Variants in ADGRB3 observed in about 807,000 individuals in gnomAD.
The protein encoded by ADGRB3 is brain-specific angiogenesis inhibitor 3.
Under a neutral mutation model 193.4 loss-of-function variants are expected in ADGRB3, and 37 were observed. The ratio of observed to expected loss-of-function variants is 0.19; its 90% CI spans 0.15 to 0.25. The LOEUF (loss-of-function observed/expected upper bound fraction) is 0.25, where lower values mean the gene tolerates loss of function less well. ADGRB3 is among the 10% of genes least tolerant of loss of function. ADGRB3 has a pLI of 1.00. For synonymous variants in ADGRB3, 690 were observed against 644.2 expected, an observed-to-expected ratio of 1.07 and a Z score of -1.08; for missense variants, 1,637 against 1,852.9, an observed-to-expected ratio of 0.88 and a Z score of 2.14.
At chr6:68,783,113 A>G (rs1766890197) in intron 3 of ADGRB3, among the ~76,000 whole-genome samples, 1 of 151,636 alleles carries the variant, frequency 6.6e-6, no homozygotes, top group Non-Finnish European at 1.5e-5. Flanking sequence ...GTTTAAATAT[A>G]GTTTATTATT....
At chr6:69,076,881 G>A (rs1422460589) in intron 17 of ADGRB3, among the ~76,000 whole-genome samples, 1 of 151,860 alleles carries the variant, frequency 6.6e-6, no homozygotes, top group Non-Finnish European at 1.5e-5. Context: ...AATTTTCCTG[G>A]TGTTCTTCAC....
At chr6:69,365,833 A>G (rs1230868180) in intron 29 of ADGRB3, among the ~76,000 whole-genome samples, 1 of 152,112 alleles carries the variant, frequency 6.6e-6, no homozygotes, top group Non-Finnish European at 1.5e-5. Context: ...TAGCAATAAT[A>G]TCACATTACA....
chr6:68,639,045 G>A lies in ADGRB3; in HGVS notation c.370G>A (p.Asp124Asn). Reference sequence around the variant, plus strand: ...GAATGCTTTCGTTTTTCTACAGTATGATAAAAATTTTATTCAAATACGTCG... The same window carrying A: ...GAATGCTTTCGTTTTTCTACAGTATAATAAAAATTTTATTCAAATACGTCG... ...SKNAFVFLQY[D>N]KNFIQIRRVF... The change falls in exon 3 of 32, where the codon GAT becomes AAT. Residue 124 changes from aspartate to asparagine, a missense_variant. By Grantham distance (23) the Asp-to-Asn change is conservative. Transcript: ENST00000370598. 1.9e-6 allele frequency: 3 copies of A among 1,613,570 alleles called. No homozygotes were observed. The highest frequency in any genetic ancestry group is 2.5e-6 in the Non-Finnish European group (3 of 1,179,862).
intron 6 of ADGRB3, among the ~76,000 whole-genome samples, chr6:68,954,711 G>C (rs571006791): frequency 7.4e-6 from 1 of 135,972 alleles, no homozygotes; most frequent in Admixed American, 7.7e-5. Flanking sequence ...ACGGAGTCTT[G>C]CTCTGTCCCC....
intron 3 of ADGRB3, among the ~76,000 whole-genome samples, chr6:68,783,369 T>C (rs1480777636): frequency 6.7e-6 from 1 of 148,588 alleles, no homozygotes; most frequent in Non-Finnish European, 1.5e-5. Context: ...CTTACATGTA[T>C]ATATGTAAGT....
At chr6:69,245,623 A>G (rs1582574271) in intron 20 of ADGRB3, among the ~76,000 whole-genome samples, 1 of 151,900 alleles carries the variant, frequency 6.6e-6, no homozygotes, top group South Asian at 2.1e-4. Context: ...TTCATGCTAT[A>G]CTTCATCCTG....
chr6:68,884,030 G>C (rs1173421964), intron 3 of ADGRB3, among the ~76,000 whole-genome samples: 2 of 152,048 alleles, frequency 1.3e-5, no homozygotes. Context: ...AAAATGATTT[G>C]ACTAGAATTC....
chr6:68,927,418 A>G (rs1196334118), intron 3 of ADGRB3, among the ~76,000 whole-genome samples: 1 of 152,136 alleles, frequency 6.6e-6, no homozygotes, highest in Non-Finnish European at 1.5e-5. Context: ...TAATAGCAAA[A>G]ATAATTGGTT....
intron 6 of ADGRB3, among the ~76,000 whole-genome samples, chr6:68,954,116 C>G (rs1402486503): frequency 1.3e-5 from 2 of 152,186 alleles, no homozygotes; most frequent in Non-Finnish European, 2.9e-5. Flanking sequence ...GTCCATAACT[C>G]ACCACTCTGT....
intron 13 of ADGRB3, among the ~76,000 whole-genome samples, chr6:69,026,249 G>C (rs1005495878): frequency 6.6e-6 from 1 of 152,178 alleles, no homozygotes; most frequent in East Asian, 1.9e-4. Context: ...AGTGGTTAAC[G>C]AGTCAAGAGA....
chr6:68,656,056 T>G (rs1263354165), intron 3 of ADGRB3, among the ~76,000 whole-genome samples: 3 of 151,632 alleles, frequency 2.0e-5, no homozygotes, highest in Non-Finnish European at 3.0e-5. Context: ...ATTGAATGCC[T>G]TTTTCCTCCT....
At chr6:68,770,134 C>T in intron 3 of ADGRB3, among the ~76,000 whole-genome samples, 1 of 152,042 alleles carries the variant, frequency 6.6e-6, no homozygotes, top group East Asian at 1.9e-4. Context: ...TAATTGGATT[C>T]TGATACTCCA....
chr6:69,189,454 C>T (rs1350031137), intron 17 of ADGRB3, among the ~76,000 whole-genome samples: 1 of 152,042 alleles, frequency 6.6e-6, no homozygotes, highest in African/African-American at 2.4e-5. Context: ...TACTATTGAC[C>T]CGGCATGAGA....
intron 13 of ADGRB3, among the ~76,000 whole-genome samples, chr6:69,041,527 C>T (rs1318950796): frequency 2.6e-5 from 4 of 152,002 alleles, no homozygotes; most frequent in Non-Finnish European, 5.9e-5. Context: ...TCACATTGCA[C>T]CACACAGTGC....
At chr6:69,188,554 C>A (rs1461315563) in intron 17 of ADGRB3, among the ~76,000 whole-genome samples, 2 of 152,152 alleles carry the variant, frequency 1.3e-5, no homozygotes, top group East Asian at 3.9e-4. Context: ...GGTGATCCAC[C>A]CACGTCTGTC....
chr6:69,061,147 T>C (rs1303571865), intron 15 of ADGRB3, among the ~76,000 whole-genome samples: 2 of 152,002 alleles, frequency 1.3e-5, no homozygotes, highest in African/African-American at 2.4e-5. Context: ...AATAGACTTA[T>C]GCTTTGTTGT....
chr6:69,080,753 T>C (rs992868193), intron 17 of ADGRB3, among the ~76,000 whole-genome samples: 2 of 152,010 alleles, frequency 1.3e-5, no homozygotes, highest in Non-Finnish European at 2.9e-5. Context: ...CAATTAACCA[T>C]AGACAGGAAT....
chr6:68,926,740 A>T (rs989713156), intron 3 of ADGRB3, among the ~76,000 whole-genome samples: 2 of 151,682 alleles, frequency 1.3e-5, no homozygotes, highest in African/African-American at 4.9e-5. Context: ...TAAGAAACGG[A>T]TATGTGTTTG....
At position 69,338,925 on chromosome 6, in the gene ADGRB3, T is replaced by C. The variant is rs761721366; in HGVS notation, c.3198T>C (p.Ser1066=). 5.6e-6 allele frequency: 9 copies of C among 1,613,612 alleles called. No homozygotes were observed. The Admixed American group carries it at 1.0e-4, about 18-fold the overall frequency. Residue 1066 remains serine (S), a synonymous_variant, in exon 25 of 32, where the codon AGT becomes AGC. Coordinates refer to ENST00000370598, the MANE Select transcript of ADGRB3 (RefSeq NM_001704.3). ...TTCTGTTTGTTTGCAGTCAGATGAG[T>C]GAGCCTCATAGCGGTTTGACGCTCA... ...KKLKHRAGQM[S]EPHSGLTLKC...
Sources: gnomAD v4.1 joint callset for allele counts (sites outside exome capture counted in the v4.1 genomes callset) on GRCh38, gnomAD v4.1.1 for gene constraint, MANE v1.5 for transcripts, NCBI Gene and HGNC (gene_info 2026-07-23, HGNC 2026-07-21) for gene names.